Variants in CRYL1 observed in about 807,000 individuals in gnomAD.
CRYL1 encodes the protein lambda-crystallin homolog.
In CRYL1, 29 loss-of-function variants were observed where a neutral mutation model predicts 36.6. The observed-to-expected ratio is 0.79, with a 90% CI of 0.59 to 1.08. The LOEUF is 1.08. Ranked by LOEUF, CRYL1 falls within the 50% of genes least tolerant of loss-of-function variation. The pLI, the probability that CRYL1 is intolerant of heterozygous loss-of-function variation, is 0.00. For missense variants in CRYL1, 411 were observed against 407.9 expected (o/e 1.01, Z -0.06); for synonymous variants, 152 against 151.5 (o/e 1.00, Z -0.02).
chr13:20,482,099 A>G (rs2033290490), intron 3 of CRYL1, among the ~76,000 whole-genome samples: 1 of 152,072 alleles, frequency 6.6e-6, no homozygotes, highest in South Asian at 2.1e-4. Context: ...AAGTCCAACA[A>G]TCCTTTAAGA....
chr13:20,413,254 A>G, intron 6 of CRYL1, 28 bp downstream of exon 6: 1 of 1,452,794 alleles, frequency 6.9e-7, no homozygotes, highest in Non-Finnish European at 9.6e-7. Flanking sequence ...AATAGAATGG[A>G]ATTCCCATCC....
At chr13:20,417,157 C>T (rs1383295273) in intron 5 of CRYL1, among the ~76,000 whole-genome samples, 4 of 152,188 alleles carry the variant, frequency 2.6e-5, no homozygotes, top group Non-Finnish European at 5.9e-5. Context: ...TTGAGTTTCT[C>T]CCTGCTGCAC....
At chr13:20,438,594 C>T (rs1220147754) in intron 4 of CRYL1, among the ~76,000 whole-genome samples, 3 of 152,154 alleles carry the variant, frequency 2.0e-5, no homozygotes, top group Admixed American at 6.5e-5. Context: ...TTCTGCACAC[C>T]GAGCGTGTTC....
chr13:20,460,747 G>C (rs1158432724), intron 3 of CRYL1, among the ~76,000 whole-genome samples: 3 of 152,004 alleles, frequency 2.0e-5, no homozygotes, highest in African/African-American at 4.8e-5. Flanking sequence ...GAATGGTCTC[G>C]ATCTCCTGAC....
At chr13:20,432,041 G>A (rs766153556) in intron 5 of CRYL1, 61 bp downstream of exon 5, 4 of 1,612,388 alleles carry the variant, frequency 2.5e-6, no homozygotes, top group African/African-American at 2.7e-5. Flanking sequence ...TCAACTTTGA[G>A]AGGGAGGGAA....
chr13:20,406,877 C>T (rs987988776), intron 6 of CRYL1, among the ~76,000 whole-genome samples: 1 of 151,716 alleles, frequency 6.6e-6, no homozygotes, highest in African/African-American at 2.4e-5. Context: ...ATCTCCCTCT[C>T]CTACCAGAGC....
chr13:20,460,259 G>A (rs2032779445), intron 3 of CRYL1, among the ~76,000 whole-genome samples: 1 of 152,138 alleles, frequency 6.6e-6, no homozygotes, highest in South Asian at 2.1e-4. Context: ...ATGTATATGT[G>A]TGTGTGTATA....
intron 2 of CRYL1, among the ~76,000 whole-genome samples, chr13:20,511,657 T>C (rs2033919610): frequency 6.6e-6 from 1 of 152,188 alleles, no homozygotes; most frequent in Non-Finnish European, 1.5e-5. Context: ...CAAATAAGGA[T>C]AATAACCAGC....
chr13:20,423,015 T>C (rs1226308723), intron 5 of CRYL1, among the ~76,000 whole-genome samples: 2 of 152,240 alleles, frequency 1.3e-5, no homozygotes, highest in Non-Finnish European at 2.9e-5. Flanking sequence ...CTTGATTAAA[T>C]GTATTTCTAA....
rs913991642 is a variant in CRYL1, at chr13:20,425,304, G to A, written c.633+6798C>T. On this transcript the variant is annotated intron_variant, in intron 5 of 7. Transcript: ENST00000298248. This position sits in a 1 kb window ranked among gnomAD's most constrained non-coding sequence, Gnocchi z 4.4. ...TCAAAGCCTGTGAAACGATGATGGAGCCCAGTTCTGCTCCTCCTTGGAGTG... is the reference window on the plus strand; with the variant it reads ...TCAAAGCCTGTGAAACGATGATGGAACCCAGTTCTGCTCCTCCTTGGAGTG... Among the ~76,000 whole-genome samples, 4 of 152,204 alleles carry A rather than the reference G, an allele frequency of 2.6e-5. No individual in the cohort carries two copies. The highest frequency in any genetic ancestry group is 6.5e-5 in the Admixed American group (1 of 15,290).
At chr13:20,492,028 T>C (rs1009110485) in intron 2 of CRYL1, among the ~76,000 whole-genome samples, 1 of 152,122 alleles carries the variant, frequency 6.6e-6, no homozygotes, top group Non-Finnish European at 1.5e-5. Flanking sequence ...AAAAGGGTCA[T>C]GAGAAAAGGT....
rs139115740 is a variant in CRYL1 at position 20,439,605 on chromosome 13, G to A, written c.426C>T (p.Ile142=). The A allele has an allele frequency of 2.2e-5, 35 of 1,589,770 alleles. No individual in the cohort carries two copies. The highest frequency in any genetic ancestry group is 9.6e-5 in the African/African-American group (7 of 73,042). ...TTAAAATACTCACAGGATGAGCCAC[G>A]ATGCATTGCTTCACATGGACCAAGC... ...FAGLVHVKQC[I]VAHPVNPPYY... is the part of the protein sequence containing the mutation. The change falls in exon 4 of 8, where the codon ATC becomes ATT. Residue 142 remains isoleucine (I), a synonymous_variant. Coordinates refer to ENST00000298248, the MANE Select transcript of CRYL1 (RefSeq NM_015974.3).
intron 4 of CRYL1, among the ~76,000 whole-genome samples, chr13:20,434,419 A>T (rs1185532579): frequency 1.3e-5 from 2 of 152,186 alleles, no homozygotes; most frequent in African/African-American, 2.4e-5. Context: ...AGCACTCTGC[A>T]AAACGCACCA....
chr13:20,461,595 T>C (rs2032819117), intron 3 of CRYL1, among the ~76,000 whole-genome samples: 1 of 151,994 alleles, frequency 6.6e-6, no homozygotes, highest in African/African-American at 2.4e-5. Context: ...GCAGCCACGG[T>C]CTCACCTCCA....
chr13:20,458,187 A>G lies in CRYL1; in HGVS notation c.277-18433T>C, dbSNP rs534634188. On this transcript the variant is annotated intron_variant, in intron 3 of 7. Transcript: ENST00000298248. ...TGTCTTACAATCAGTAGCATCTTAG[A>G]TAAGATACAATATAGCACAATCATA... Among the ~76,000 whole-genome samples, 4 of 152,358 alleles carry G rather than the reference A, an allele frequency of 2.6e-5. No homozygotes were observed. In the South Asian group the frequency reaches 8.3e-4, roughly 32 times the overall value.
At chr13:20,431,354 A>G (rs539863067) in intron 5 of CRYL1, 1 of 985,280 alleles carries the variant, frequency 1.0e-6, no homozygotes, top group African/African-American at 1.7e-5. Flanking sequence ...AGCCTTCCAC[A>G]ATGTTTTTGC....
At chr13:20,505,825 A>G (rs2033788178) in intron 2 of CRYL1, among the ~76,000 whole-genome samples, 1 of 152,214 alleles carries the variant, frequency 6.6e-6, no homozygotes, top group African/African-American at 2.4e-5. Flanking sequence ...TTTTCCTTAC[A>G]TTCCTTTTGC....
At chr13:20,449,251 G>C (rs552685091) in intron 3 of CRYL1, among the ~76,000 whole-genome samples, 74 of 152,270 alleles carry the variant, frequency 4.9e-4, no homozygotes, top group African/African-American at 1.7e-3. Flanking sequence ...AGCAAAAATA[G>C]CAGCAATGCA....
At chr13:20,409,553 G>A (rs1298322496) in intron 6 of CRYL1, among the ~76,000 whole-genome samples, 1 of 151,002 alleles carries the variant, frequency 6.6e-6, no homozygotes, top group African/African-American at 2.4e-5. Context: ...AAACTCAAGA[G>A]CTTCTGCACA....
Sources: gnomAD v4.1 joint callset for allele counts (sites outside exome capture counted in the v4.1 genomes callset) on GRCh38, gnomAD v4.1.1 for gene constraint, Gnocchi (gnomAD v3.1) non-coding constraint, MANE v1.5 for transcripts, NCBI Gene and HGNC (gene_info 2026-07-23, HGNC 2026-07-21) for gene names.